Variants in RBFOX1 observed in about 807,000 individuals in gnomAD.
RBFOX1 encodes the protein RNA binding protein fox-1 homolog 1.
A neutral mutation model predicts 57.7 loss-of-function variants in RBFOX1; 8 were observed. The ratio of observed to expected loss-of-function variants is 0.14; its 90% confidence interval spans 0.08 to 0.25. RBFOX1 has a LOEUF of 0.25. Ranked by LOEUF, RBFOX1 falls within the 10% of genes least tolerant of loss-of-function variation. RBFOX1 has a pLI of 1.00. For synonymous variants in RBFOX1, 326 were observed against 222.4 expected (o/e 1.47, Z -4.15); for missense variants, 611 against 548.5 (o/e 1.11, Z -1.14).
chr16:5,830,054 T>A (rs973210357), intron 3 of RBFOX1, among the ~76,000 whole-genome samples: 1 of 152,224 alleles, frequency 6.6e-6, no homozygotes, highest in African/African-American at 2.4e-5. Flanking sequence ...GTAGGGTTTT[T>A]AAAACACCAC....
At position 6,041,016 on chromosome 16, in the gene RBFOX1, T is replaced by C. The variant is rs1260042088; in HGVS notation, c.-127+21024T>C. 2.0e-5 allele frequency among the ~76,000 whole-genome samples: 3 copies of C among 152,132 alleles called. No individual in the cohort carries two copies. The East Asian group carries it at 5.8e-4, about 29-fold the overall frequency. On this transcript the variant is annotated intron_variant, in intron 1 of 15. Transcript: ENST00000550418. Reference sequence around the variant, plus strand: ...TTAGCTATTATGACAGTTTTATGGGTTTGGACAAATACATAATGTTACCCA... The same window carrying C: ...TTAGCTATTATGACAGTTTTATGGGCTTGGACAAATACATAATGTTACCCA...
chr16:7,130,357 C>T (rs148900421), intron 4 of RBFOX1, among the ~76,000 whole-genome samples: 1 of 152,008 alleles, frequency 6.6e-6, no homozygotes, highest in East Asian at 1.9e-4. Context: ...TATTTTTAAG[C>T]CAGCTGAATG....
chr16:5,668,514 C>G (rs1459162237), intron 3 of RBFOX1, among the ~76,000 whole-genome samples: 1 of 152,198 alleles, frequency 6.6e-6, no homozygotes, highest in Non-Finnish European at 1.5e-5. Flanking sequence ...CTTAATAGAG[C>G]AATCTGTTAT....
At chr16:6,666,289 T>C (rs1250050423) in intron 3 of RBFOX1, among the ~76,000 whole-genome samples, 1 of 152,126 alleles carries the variant, frequency 6.6e-6, no homozygotes, top group African/African-American at 2.4e-5. Flanking sequence ...ATCCCAGCAC[T>C]TTGGGAGGCT....
rs2068789636 is a variant in RBFOX1, at chr16:7,664,946, G to A, written c.908G>A (p.Gly303Glu). The change falls in exon 13 of 16, where the codon GGA (glycine) becomes GAA (glutamate). Residue 303 changes from glycine to glutamate, a missense_variant. Transcript: ENST00000550418. The part of the protein sequence containing the change: ...PAYGGVVYQD[G>E]FYGADIYGGY... The stretch of plus-strand genomic sequence containing the variant: ...CCTTGCAGTGTTGTTTACCAGGATG[G>A]ATTTTATGGTGCAGACATTTATGTA... 1 of 1,613,774 alleles carries A rather than the reference G, an allele frequency of 6.2e-7. No individual in the cohort carries two copies. The highest frequency in any genetic ancestry group is 1.7e-5 in the Admixed American group (1 of 59,980).
At chr16:5,341,609 T>C (rs770542596) in intron 1 of RBFOX1, among the ~76,000 whole-genome samples, 3 of 152,166 alleles carry the variant, frequency 2.0e-5, no homozygotes, top group Non-Finnish European at 4.4e-5. Flanking sequence ...AAGAAGCCCT[T>C]GTTTAGTAGG....
chr16:6,150,579 A>G (rs2096790485), intron 1 of RBFOX1, among the ~76,000 whole-genome samples: 1 of 152,104 alleles, frequency 6.6e-6, no homozygotes, highest in Admixed American at 6.6e-5. Flanking sequence ...CATCACAGAG[A>G]GGTGTTATTC....
intron 2 of RBFOX1, among the ~76,000 whole-genome samples, chr16:6,331,218 A>G (rs945118650): frequency 6.6e-6 from 1 of 152,150 alleles, no homozygotes; most frequent in African/African-American, 2.4e-5. Flanking sequence ...CGGGAGGCCA[A>G]GGCAGGTGGA....
intron 2 of RBFOX1, among the ~76,000 whole-genome samples, chr16:6,320,783 T>A (rs1411461060): frequency 1.3e-5 from 2 of 152,056 alleles, no homozygotes; most frequent in Admixed American, 6.6e-5. Context: ...TAAAAAAAAA[T>A]TTGTTACTTT....
At chr16:5,975,430 G>C (rs1036999158) in intron 4 of RBFOX1, among the ~76,000 whole-genome samples, 3 of 152,202 alleles carry the variant, frequency 2.0e-5, no homozygotes, top group Non-Finnish European at 4.4e-5. Flanking sequence ...AAGCTCATCT[G>C]ATAGGGAAGG....
chr16:5,540,760 C>T (rs1449062344), intron 2 of RBFOX1, among the ~76,000 whole-genome samples: 4 of 152,206 alleles, frequency 2.6e-5, no homozygotes, highest in Non-Finnish European at 5.9e-5. Flanking sequence ...TGTGGACTAG[C>T]AGCGTCAGAA....
intron 3 of RBFOX1, among the ~76,000 whole-genome samples, chr16:6,813,104 T>TA (rs766213977): frequency 0.074 from 10,835 of 146,266 alleles, 486 homozygotes; most frequent in African/African-American, 0.12. Context: ...TCACTCCCAT[T>TA]AAAAAAAAAA....
chr16:7,006,810 C>G (rs998519325), intron 3 of RBFOX1, among the ~76,000 whole-genome samples: 5 of 152,146 alleles, frequency 3.3e-5, no homozygotes, highest in East Asian at 1.9e-4. Flanking sequence ...AGTTAAGTCA[C>G]CTGCCCAAGA....
chr16:6,286,312 C>G (rs1246352236), intron 1 of RBFOX1, among the ~76,000 whole-genome samples: 1 of 152,136 alleles, frequency 6.6e-6, no homozygotes, highest in African/African-American at 2.4e-5. Context: ...GTGAGAAATG[C>G]AGTGTCGATA....
chr16:6,228,810 C>T (rs1268683339), intron 1 of RBFOX1, among the ~76,000 whole-genome samples: 2 of 152,120 alleles, frequency 1.3e-5, no homozygotes, highest in African/African-American at 4.8e-5. Flanking sequence ...AGTGTTCTCA[C>T]ACAAAACACA....
intron 1 of RBFOX1, among the ~76,000 whole-genome samples, chr16:6,143,962 T>C (rs9936968): frequency 3.0e-4 from 43 of 141,646 alleles, no homozygotes; most frequent in African/African-American, 1.1e-3. Context: ...TACTCAGCTA[T>C]ATATATATAT....
At position 7,394,235 on chromosome 16, in the gene RBFOX1, CAAAAAAAAAA is replaced by C. The variant is rs59934126; in HGVS notation, c.28-123892_28-123883del. On this transcript the variant is annotated intron_variant, in intron 4 of 15. Coordinates refer to ENST00000550418, the MANE Select transcript of RBFOX1 (RefSeq NM_018723.4). ...TGGGCAACAGAGCAAGACTCCGCATCAAAAAAAAAAAAAAAAAAAAAAAAAAAAAGAGAGA... is the reference window on the plus strand; with the variant it reads ...TGGGCAACAGAGCAAGACTCCGCATCAAAAAAAAAAAAAAAAAAAGAGAGA... Among the ~76,000 whole-genome samples the C allele has an allele frequency of 2.7e-3, 150 of 55,046 alleles. 2 individuals are homozygous for C. The highest frequency in any genetic ancestry group is 7.3e-3 in the South Asian group (8 of 1,094). The allele number at this position is 55,046 out of a possible 152,430, so 36.1% of individuals were successfully genotyped here. A position where few individuals can be genotyped will look rare whatever the true frequency, so the allele number is the denominator to read the frequency against.
chr16:5,680,347 T>C (rs28552532), intron 3 of RBFOX1, among the ~76,000 whole-genome samples: 2,153 of 152,306 alleles, frequency 0.014, 63 homozygotes, highest in African/African-American at 0.05. Context: ...CCAAGTCCAT[T>C]GAACCCTAAT....
At chr16:7,201,136 G>C (rs1390278956) in intron 4 of RBFOX1, among the ~76,000 whole-genome samples, 2 of 152,160 alleles carry the variant, frequency 1.3e-5, no homozygotes, top group African/African-American at 4.8e-5. Context: ...GAAGATATGA[G>C]AGAGAGGAAT....
Sources: allele counts gnomAD v4.1 joint callset (sites outside exome capture counted in the v4.1 genomes callset), GRCh38; gene constraint gnomAD v4.1.1; transcripts MANE v1.5; gene names NCBI Gene and HGNC (gene_info 2026-07-23, HGNC 2026-07-21).